Variants in THSD7A observed in about 807,000 individuals in gnomAD.
THSD7A encodes the protein thrombospondin type-1 domain-containing protein 7A.
THSD7A carries 96 observed loss-of-function variants against 231.3 expected under a neutral mutation model. The observed-to-expected ratio is 0.41, with a 90% CI of 0.35 to 0.49. The LOEUF (loss-of-function observed/expected upper bound fraction) is 0.49, where lower values mean the gene tolerates loss of function less well. Ranked by LOEUF, THSD7A falls within the 20% of genes least tolerant of loss-of-function variation. The pLI is 0.05. For missense variants in THSD7A, 2,290 were observed against 2,070.2 expected, an observed-to-expected ratio of 1.11 and a Z score of -2.06; for synonymous variants, 940 against 743.3, an observed-to-expected ratio of 1.26 and a Z score of -4.30.
chr7:11,443,063 G>T (rs975894550), intron 13 of THSD7A, among the ~76,000 whole-genome samples: 1 of 152,088 alleles, frequency 6.6e-6, no homozygotes, highest in African/African-American at 2.4e-5. Flanking sequence ...GTGAGTCACA[G>T]AATATTTTAA....
intron 1 of THSD7A, among the ~76,000 whole-genome samples, chr7:11,671,358 A>G (rs1783385477): frequency 6.6e-6 from 1 of 152,170 alleles, no homozygotes; most frequent in Non-Finnish European, 1.5e-5. Context: ...TCAGAACTAT[A>G]AACTGCTTAT....
chr7:11,798,536 G>A (rs1784191282), intron 1 of THSD7A, among the ~76,000 whole-genome samples: 1 of 151,558 alleles, frequency 6.6e-6, no homozygotes, highest in East Asian at 1.9e-4. Context: ...AATAAAAATT[G>A]TACAAAACAT....
chr7:11,757,443 G>A (rs1200655683), intron 1 of THSD7A, among the ~76,000 whole-genome samples: 1 of 151,940 alleles, frequency 6.6e-6, no homozygotes, highest in African/African-American at 2.4e-5. Context: ...AAGAAAGGAA[G>A]TATTACTGAT....
At chr7:11,610,708 A>G (rs1484069134) in intron 2 of THSD7A, among the ~76,000 whole-genome samples, 1 of 152,130 alleles carries the variant, frequency 6.6e-6, no homozygotes, top group Non-Finnish European at 1.5e-5. Context: ...AAACAAAGAA[A>G]CTCAGAAATA....
chr7:11,827,797 G>T (rs1170170474), intron 1 of THSD7A, among the ~76,000 whole-genome samples: 2 of 152,080 alleles, frequency 1.3e-5, no homozygotes, highest in Non-Finnish European at 2.9e-5. Context: ...GCTACCTCAA[G>T]CTCAGTATAT....
At chr7:11,566,815 G>C (rs1158282711) in intron 4 of THSD7A, among the ~76,000 whole-genome samples, 1 of 152,038 alleles carries the variant, frequency 6.6e-6, no homozygotes, top group African/African-American at 2.4e-5. Context: ...GCTTAGAAGA[G>C]TGACACCAGA....
intron 8 of THSD7A, 44 bp from the exon 9 acceptor site, chr7:11,470,038 G>GA: frequency 1.6e-6 from 2 of 1,290,220 alleles, no homozygotes; most frequent in South Asian, 1.3e-5. Flanking sequence ...TAGTAAAGCA[G>GA]AAAATCAGAT....
At chr7:11,475,805 G>A (rs1030556912) in intron 7 of THSD7A, among the ~76,000 whole-genome samples, 2 of 150,444 alleles carry the variant, frequency 1.3e-5, no homozygotes, top group Non-Finnish European at 3.0e-5. Context: ...AATTATTTGA[G>A]AAAAAAATGA....
intron 23 of THSD7A, among the ~76,000 whole-genome samples, chr7:11,383,140 C>A (rs1489025643): frequency 6.6e-6 from 1 of 151,888 alleles, no homozygotes; most frequent in Admixed American, 6.6e-5. Flanking sequence ...ACTATACACA[C>A]ACGCACACAC....
intron 23 of THSD7A, among the ~76,000 whole-genome samples, chr7:11,386,183 G>A (rs901392058): frequency 6.6e-6 from 1 of 152,158 alleles, no homozygotes; most frequent in Non-Finnish European, 1.5e-5. Flanking sequence ...ACATATGTGT[G>A]CATGTGTCTT....
chr7:11,567,080 A>G (rs1028909778), intron 4 of THSD7A, among the ~76,000 whole-genome samples: 6 of 151,824 alleles, frequency 4.0e-5, no homozygotes, highest in African/African-American at 1.5e-4. Context: ...ACTAAGTAAA[A>G]GCTAATAATC....
chr7:11,713,490 G>A (rs1407371475), intron 1 of THSD7A, among the ~76,000 whole-genome samples: 3 of 151,124 alleles, frequency 2.0e-5, no homozygotes. Context: ...CTGTCGTCTT[G>A]CCCTTTCAGC....
intron 1 of THSD7A, among the ~76,000 whole-genome samples, chr7:11,656,056 G>A (rs549519937): frequency 1.6e-4 from 25 of 151,760 alleles, no homozygotes; most frequent in Non-Finnish European, 2.7e-4. Context: ...GAGGTGTCAC[G>A]TATTCAGTTA....
chr7:11,639,559 T>A (rs965527370), intron 1 of THSD7A, among the ~76,000 whole-genome samples: 2 of 151,990 alleles, frequency 1.3e-5, no homozygotes, highest in African/African-American at 4.8e-5. Context: ...TCCTAGCTAC[T>A]CGGGAGGCTG....
intron 1 of THSD7A, among the ~76,000 whole-genome samples, chr7:11,658,288 A>C (rs1782785042): frequency 6.6e-6 from 1 of 151,708 alleles, no homozygotes; most frequent in Non-Finnish European, 1.5e-5. Flanking sequence ...TGATTTTCCT[A>C]CTGGTTTATT....
rs77786565 is a variant in THSD7A at position 11,496,151 on chromosome 7, A to G, written c.1823-14169T>C. ...AATAATTGCTGACTTTTATTGTGCAATGTTATGTGCCAGGCATTAAGTGTT... is the reference window on the plus strand; with the variant it reads ...AATAATTGCTGACTTTTATTGTGCAGTGTTATGTGCCAGGCATTAAGTGTT... On this transcript the variant is annotated intron_variant, in intron 6 of 27. Transcript: ENST00000423059. 7.5e-3 allele frequency among the ~76,000 whole-genome samples: 1,145 copies of G among 152,248 alleles called. 10 individuals are homozygous for G. The highest frequency in any genetic ancestry group is 0.026 in the African/African-American group (1,099 of 41,558).
At chr7:11,465,790 G>A (rs1312460077) in intron 9 of THSD7A, among the ~76,000 whole-genome samples, 5 of 152,202 alleles carry the variant, frequency 3.3e-5, no homozygotes, top group East Asian at 1.9e-4. Context: ...GAAAAAAAAG[G>A]AGCAAACAGA....
chr7:11,562,855 ATGTTT>A (rs1440036117), intron 4 of THSD7A, among the ~76,000 whole-genome samples: 1 of 152,002 alleles, frequency 6.6e-6, no homozygotes, highest in Non-Finnish European at 1.5e-5. Flanking sequence ...TGCGTTTTTG[ATGTTT>A]TGTTTTTACT....
chr7:11,464,471 T>C (rs1260452871), intron 9 of THSD7A, among the ~76,000 whole-genome samples: 1 of 152,190 alleles, frequency 6.6e-6, no homozygotes, highest in Non-Finnish European at 1.5e-5. Context: ...TAGCCAGGGC[T>C]GTTCTACTTG....
Sources: allele counts gnomAD v4.1 joint callset (sites outside exome capture counted in the v4.1 genomes callset), GRCh38; gene constraint gnomAD v4.1.1; transcripts MANE v1.5; gene names NCBI Gene and HGNC (gene_info 2026-07-23, HGNC 2026-07-21).